Variants in NSMCE4A observed in about 807,000 individuals in gnomAD.
NSMCE4A encodes NSE4A component of SMC5/6 complex, also known as non-structural maintenance of chromosomes element 4 homolog A.
A neutral mutation model predicts 47.9 loss-of-function variants in NSMCE4A; 40 were observed. The observed-to-expected ratio is 0.83, with a 90% CI of 0.65 to 1.09. The LOEUF (loss-of-function observed/expected upper bound fraction) is 1.09. Ranked by LOEUF, NSMCE4A falls within the 50% of genes least tolerant of loss-of-function variation. The pLI, the probability that NSMCE4A is intolerant of heterozygous loss-of-function variation, is 0.00. For synonymous variants in NSMCE4A, 166 were observed against 178.5 expected (o/e 0.93, Z 0.56); for missense variants, 500 against 507.0 (o/e 0.99, Z 0.13).
rs1182124134 is a variant in NSMCE4A, at chr10:121,959,371, T to C, written c.1123A>G (p.Thr375Ala). ...KTFEISEPVI[T>A]PSQRQQKPSA Reference sequence around the variant, plus strand: ...GGCTTCTGCTGCCTCTGACTTGGAGTAATCACAGGCTCTGAAATCTCAAAG... The same window carrying C: ...GGCTTCTGCTGCCTCTGACTTGGAGCAATCACAGGCTCTGAAATCTCAAAG... The change falls in exon 10 of 11, where the codon ACT becomes GCT. Residue 375 changes from threonine (T) to alanine (A), a missense_variant. Coordinates refer to ENST00000369023, the MANE Select transcript of NSMCE4A (RefSeq NM_017615.3). 1 of 1,614,046 alleles carries C rather than the reference T, an allele frequency of 6.2e-7. No homozygotes were observed.
intron 5 of NSMCE4A, among the ~76,000 whole-genome samples, chr10:121,964,618 T>C (rs1952570674): frequency 6.6e-6 from 1 of 151,752 alleles, no homozygotes. Context: ...ATTTCTGTAT[T>C]TTTAGTAGAG....
At chr10:121,962,113 A>G (rs1952511854) in intron 6 of NSMCE4A, 1 of 312,342 alleles carries the variant, frequency 3.2e-6, no homozygotes. Flanking sequence ...GTCTCCTAAA[A>G]AAAAAAAAAA....
chr10:121,972,620 G>A (rs1167613211), intron 2 of NSMCE4A, among the ~76,000 whole-genome samples: 1 of 152,142 alleles, frequency 6.6e-6, no homozygotes, highest in Non-Finnish European at 1.5e-5. Context: ...TGGGGATAAA[G>A]AACTGACTAG....
chr10:121,973,919 T>A, intron 2 of NSMCE4A, 85 bp downstream of exon 2: 1 of 900,808 alleles, frequency 1.1e-6, no homozygotes, highest in South Asian at 1.6e-5. Context: ...ATGTGGGAAT[T>A]GTTTTATGTC....
At chr10:121,965,563 T>C (rs893919330) in intron 4 of NSMCE4A, among the ~76,000 whole-genome samples, 178 bp from the exon 5 acceptor site, 1 of 152,318 alleles carries the variant, frequency 6.6e-6, no homozygotes, top group Non-Finnish European at 1.5e-5. Context: ...TCTGCCTTCT[T>C]TGTATTTCTA....
rs1380057714 is a variant in NSMCE4A, at chr10:121,959,519, C to G, written c.1065G>C (p.Leu355Phe). 1.9e-6 allele frequency: 3 copies of G among 1,614,040 alleles called. No homozygotes were observed. The highest frequency in any genetic ancestry group is 2.5e-6 in the Non-Finnish European group (3 of 1,179,924). Reference protein sequence around the residue: ...TQVRNQGIIALSYRDWEEIVK... With the variant: ...TQVRNQGIIAFSYRDWEEIVK... ...GCTTTACCTCCCAGTCACGGTAACT[C>G]AAAGCTATAATTCCTTGATTTCTAA... The change falls in exon 9 of 11, where the codon TTG becomes TTC. Residue 355 changes from leucine (L) to phenylalanine (F), a missense_variant. Coordinates refer to ENST00000369023, the MANE Select transcript of NSMCE4A (RefSeq NM_017615.3).
chr10:121,963,580 A>C (rs558959843), intron 5 of NSMCE4A, among the ~76,000 whole-genome samples: 1 of 147,802 alleles, frequency 6.8e-6, no homozygotes, highest in East Asian at 2.0e-4. Context: ...AGAAGCGTGC[A>C]CCACTACACC....
At chr10:121,969,338 C>T (rs2134771802) in intron 3 of NSMCE4A, among the ~76,000 whole-genome samples, 1 of 152,178 alleles carries the variant, frequency 6.6e-6, no homozygotes, top group South Asian at 2.1e-4. Flanking sequence ...GGCAACACTC[C>T]AGCCTGGGCA....
In NSMCE4A at chr10:121,975,126, C is replaced by T. The variant is rs559071166; in HGVS notation, c.40G>A (p.Gly14Ser). 110 of 1,421,202 alleles carry T rather than the reference C, an allele frequency of 7.7e-5. No individual in the cohort carries two copies. In the African/African-American group the frequency reaches 1.5e-3, roughly 20 times the overall value. The allele number at this position is 1,421,202 out of a possible 1,614,324, so 88.0% of individuals were successfully genotyped here. ...DSSGRGPEGR[G>S]RGRDPHRDRT... ...TCCCGATGCGGGTCGCGGCCCCGGCCCCGGCCCTCTGGCCCGCGGCCGCTG... is the reference window on the plus strand; with the variant it reads ...TCCCGATGCGGGTCGCGGCCCCGGCTCCGGCCCTCTGGCCCGCGGCCGCTG... The change falls in exon 1 of 11, where the codon GGC becomes AGC. Residue 14 changes from glycine (G) to serine (S), a missense_variant. Gly to Ser is a moderately conservative substitution (Grantham distance 56). Coordinates refer to ENST00000369023, the MANE Select transcript of NSMCE4A (RefSeq NM_017615.3).
intron 4 of NSMCE4A, chr10:121,966,958 G>A (rs1952618097): frequency 6.6e-6 from 1 of 152,164 alleles, no homozygotes; most frequent in Non-Finnish European, 1.5e-5. Flanking sequence ...TCAAATACAA[G>A]TCAGTGGTCA....
chr10:121,970,476 G>GAAA (rs57421744), intron 3 of NSMCE4A, among the ~76,000 whole-genome samples: 16 of 101,896 alleles, frequency 1.6e-4, no homozygotes, highest in Non-Finnish European at 1.9e-4. Flanking sequence ...TGTCTCAAAG[G>GAAA]AAAAAAAAAA....
At chr10:121,959,937 C>T (rs149108306) in intron 8 of NSMCE4A, 9 of 351,074 alleles carry the variant, frequency 2.6e-5, no homozygotes, top group Non-Finnish European at 4.7e-5. Context: ...GAAATATTCA[C>T]TCTCCACAGG....
Position 121,974,648 on chromosome 10 carries a change from C to T in NSMCE4A, c.292+226G>A, listed in dbSNP as rs1952782250. On this transcript the variant is annotated intron_variant, in intron 1 of 10. Transcript: ENST00000369023. Reference sequence around the variant, plus strand: ...CGGCTCTGGCCTCCAGCTTTTCCAGCCCGCCACTCGGGGACCCGCGCCAAG... The same window carrying T: ...CGGCTCTGGCCTCCAGCTTTTCCAGTCCGCCACTCGGGGACCCGCGCCAAG... 3.7e-6 allele frequency: 4 copies of T among 1,081,890 alleles called. No individual in the cohort carries two copies. In the Admixed American group the frequency reaches 2.1e-4, roughly 56 times the overall value. The allele number at this position is 1,081,890 out of a possible 1,614,324, so 67.0% of individuals were successfully genotyped here.
chr10:121,974,511 G>C (rs914419377), intron 1 of NSMCE4A: 4 of 1,006,150 alleles, frequency 4.0e-6, no homozygotes, highest in Middle Eastern at 9.9e-4. Flanking sequence ...AGCTGCAGCT[G>C]CCGCTGCGAG....
intron 6 of NSMCE4A, among the ~76,000 whole-genome samples, chr10:121,962,534 AT>A (rs2134742918): frequency 6.6e-6 from 1 of 152,242 alleles, no homozygotes; most frequent in South Asian, 2.1e-4. Flanking sequence ...ATATGAAATG[AT>A]GTGGAAGAAT....
At position 121,967,743 on chromosome 10, in the gene NSMCE4A, C is replaced by T. The variant is rs1952634077; in HGVS notation, c.565G>A (p.Asp189Asn). The T allele has an allele frequency of 6.2e-7, 1 of 1,614,114 alleles. No individual in the cohort carries two copies. The highest frequency in any genetic ancestry group is 8.5e-7 in the Non-Finnish European group (1 of 1,180,012). The change falls in exon 4 of 11, where the codon GAT becomes AAT. Residue 189 changes from aspartate to asparagine, a missense_variant. Transcript: ENST00000369023. ...EELIRDEDSP[D>N]FEFIVYDSWK... is the part of the protein sequence containing the mutation. Reference sequence around the variant, plus strand: ...GAGTCATAGACTATGAATTCAAAATCAGGACTATCTTCATCACGGATGAGT... The same window carrying T: ...GAGTCATAGACTATGAATTCAAAATTAGGACTATCTTCATCACGGATGAGT...
chr10:121,964,734 C>A (rs919325349), intron 5 of NSMCE4A, among the ~76,000 whole-genome samples: 16 of 152,276 alleles, frequency 1.1e-4, no homozygotes, highest in Admixed American at 5.9e-4. Context: ...GCCACTGTGC[C>A]TGGCCTCAGT....
chr10:121,971,625 T>C (rs1220806953), intron 2 of NSMCE4A, among the ~76,000 whole-genome samples: 1 of 152,242 alleles, frequency 6.6e-6, no homozygotes, highest in Non-Finnish European at 1.5e-5. Flanking sequence ...TACTGTTAGC[T>C]GAATCACAAT....
At chr10:121,965,249 T>A (rs774271735) in intron 5 of NSMCE4A, 37 bp downstream of exon 5, 8 of 1,431,472 alleles carry the variant, frequency 5.6e-6, no homozygotes, top group Middle Eastern at 1.8e-4. Flanking sequence ...ATTTTAACTT[T>A]AATGTGTTTT....
Sources: gnomAD v4.1 joint callset for allele counts (sites outside exome capture counted in the v4.1 genomes callset) on GRCh38, gnomAD v4.1.1 for gene constraint, MANE v1.5 for transcripts, NCBI Gene and HGNC (gene_info 2026-07-23, HGNC 2026-07-21) for gene names.